Variants in ORC4 observed in about 807,000 individuals in gnomAD.
The protein encoded by ORC4 is origin recognition complex subunit 4.
In ORC4, 55 loss-of-function variants were observed where a neutral mutation model predicts 63.9. The ratio of observed to expected loss-of-function variants is 0.86; its 90% CI spans 0.69 to 1.08. The LOEUF (loss-of-function observed/expected upper bound fraction) is 1.08, where lower values mean the gene tolerates loss of function less well. ORC4 is among the 50% of genes least tolerant of loss of function. The pLI is 0.00. For missense variants in ORC4, 511 were observed against 504.4 expected, an observed-to-expected ratio of 1.01 and a Z score of -0.13; for synonymous variants, 150 against 168.5, an observed-to-expected ratio of 0.89 and a Z score of 0.85.
intron 1 of ORC4, among the ~76,000 whole-genome samples, chr2:147,980,815 G>C (rs1401450863): frequency 6.6e-6 from 1 of 152,064 alleles, no homozygotes; most frequent in East Asian, 1.9e-4. Flanking sequence ...GGAGGTTCTT[G>C]AAAAAATTAG....
Position 147,938,214 on chromosome 2 carries a change from C to G in ORC4, c.1055-1G>C. 6.2e-7 allele frequency: 1 copy of G among 1,612,220 alleles called. No homozygotes were observed. The highest frequency in any genetic ancestry group is 8.5e-7 in the Non-Finnish European group (1 of 1,178,598). On this transcript the variant is annotated splice_acceptor_variant, in intron 12 of 13. Transcript: ENST00000392857. LOFTEE classifies it high-confidence loss of function. Reference sequence around the variant, plus strand: ...TTCCTTTGAACAAACTTCTGAAACTCTGAGTAGAAAGCAATGACAACATTA... The same window carrying G: ...TTCCTTTGAACAAACTTCTGAAACTGTGAGTAGAAAGCAATGACAACATTA...
chr2:148,017,649 G>A (rs971359390), intron 1 of ORC4, among the ~76,000 whole-genome samples: 2 of 152,192 alleles, frequency 1.3e-5, no homozygotes, highest in Non-Finnish European at 2.9e-5. Context: ...TCCAGCCTGG[G>A]CAACAGAGCG....
rs1687690754 is a variant in ORC4, at chr2:147,930,937, T to G, written c.*4573A>C. On this transcript the variant is annotated 3_prime_UTR_variant, in exon 14 of 14. Coordinates refer to ENST00000392857, the MANE Select transcript of ORC4 (RefSeq NM_181741.4). ...TAGTTACATAGGTATACATGTGCCA[T>G]GCTGGTGCGCTGCACCCACTAACTC... 1.3e-5 allele frequency: 2 copies of G among 151,254 alleles called. No individual in the cohort carries two copies. Among genetic ancestry groups the G allele is most frequent in the South Asian group, 4.2e-4 (2 of 4,746 alleles). The allele number at this position is 151,254 out of a possible 1,614,324, so 9.4% of individuals were successfully genotyped here.
At chr2:147,975,354 A>G (rs571962281) in intron 2 of ORC4, among the ~76,000 whole-genome samples, 1 of 152,260 alleles carries the variant, frequency 6.6e-6, no homozygotes, top group East Asian at 1.9e-4. Flanking sequence ...GGCATCTACA[A>G]AAAAATCCTA....
chr2:148,014,943 G>A (rs1473478561), intron 1 of ORC4, among the ~76,000 whole-genome samples: 1 of 152,016 alleles, frequency 6.6e-6, no homozygotes, highest in Non-Finnish European at 1.5e-5. Flanking sequence ...GCCAATAAAA[G>A]CAAGATTGTA....
chr2:147,972,632 G>A, intron 4 of ORC4, 107 bp downstream of exon 4: 2 of 551,336 alleles, frequency 3.6e-6, no homozygotes, highest in Non-Finnish European at 6.1e-6. Context: ...ATAATGAAAA[G>A]TATTTTCAGT....
rs903148417 is a variant in ORC4, at chr2:147,934,327, A to G, written c.*1183T>C. 1 of 152,192 alleles carries G rather than the reference A, an allele frequency of 6.6e-6. No homozygotes were observed. Among genetic ancestry groups the G allele is most frequent in the African/African-American group, 2.4e-5 (1 of 41,462 alleles). 9.4% of individuals were successfully genotyped at this position (152,192 alleles called of 1,614,324 possible). ...AGTCACTAAGTGCTCATTAAATTTC[A>G]TTTTAAATATATGCCTCTGTTAATT... is the stretch of plus-strand genomic sequence containing the variant. On this transcript the variant is annotated 3_prime_UTR_variant, in exon 14 of 14. Coordinates refer to ENST00000392857, the MANE Select transcript of ORC4 (RefSeq NM_181741.4).
chr2:148,009,484 A>C (rs1692822848), intron 1 of ORC4, among the ~76,000 whole-genome samples: 1 of 152,156 alleles, frequency 6.6e-6, no homozygotes, highest in Non-Finnish European at 1.5e-5. Context: ...AAAGAAAAAA[A>C]GGTTATCATA....
At chr2:147,974,399 C>G (rs371556794) in intron 2 of ORC4, among the ~76,000 whole-genome samples, 1 of 151,916 alleles carries the variant, frequency 6.6e-6, no homozygotes, top group South Asian at 2.1e-4. Context: ...TTTGGGAGGT[C>G]GAGATGGGCA....
At chr2:147,985,963 C>T (rs1415291554) in intron 1 of ORC4, among the ~76,000 whole-genome samples, 2 of 152,098 alleles carry the variant, frequency 1.3e-5, no homozygotes, top group Admixed American at 6.5e-5. Context: ...AAAATCATCA[C>T]TGGGCTTTTC....
In ORC4 at chr2:147,930,726, A is replaced by G. The variant is rs1687672718; in HGVS notation, c.*4784T>C. 6.6e-6 allele frequency: 1 copy of G among 152,496 alleles called. No individual in the cohort carries two copies. Among genetic ancestry groups the G allele is most frequent in the South Asian group, 2.1e-4 (1 of 4,832 alleles). 9.4% of individuals were successfully genotyped at this position (152,496 alleles called of 1,614,324 possible). A position where few individuals can be genotyped will look rare whatever the true frequency, so the allele number is the denominator to read the frequency against. ...TTAACAGAAAGCTTAAAATCCCCAT[A>G]AAACCCCACCTTGGATAAGTGATTG... On this transcript the variant is annotated 3_prime_UTR_variant, in exon 14 of 14. Coordinates refer to ENST00000392857, the MANE Select transcript of ORC4 (RefSeq NM_181741.4).
rs1361697430 is a variant in ORC4 at position 147,998,487 on chromosome 2, A to AGAGT, written c.-18+22142_-18+22145dup. Among the ~76,000 whole-genome samples the AGAGT allele has an allele frequency of 7.9e-5, 12 of 152,186 alleles. 1 individual carries two copies. Among genetic ancestry groups the AGAGT allele is most frequent in the Admixed American group, 7.9e-4 (12 of 15,270 alleles). ...GCGAATGGCTTAGTTCCTTCCCACA[A>AGAGT]GAGTGGGTTGTTATAAGGCCACTAT... On this transcript the variant is annotated intron_variant, in intron 1 of 13. Transcript: ENST00000392857.
At chr2:147,983,678 G>C (rs187969795) in intron 1 of ORC4, among the ~76,000 whole-genome samples, 1 of 152,334 alleles carries the variant, frequency 6.6e-6, no homozygotes, top group African/African-American at 2.4e-5. Flanking sequence ...CATAGAAAAA[G>C]CCATGAAAGC....
chr2:147,976,112 C>T (rs922024519), intron 1 of ORC4, 137 bp from the exon 2 acceptor site: 25 of 637,638 alleles, frequency 3.9e-5, no homozygotes, highest in African/African-American at 5.5e-5. Context: ...TCAAAATCTT[C>T]GATGGCTTCA....
In ORC4 at chr2:147,932,564, C is replaced by T. The variant is rs1018305130; in HGVS notation, c.*2946G>A. ...TTGTAACTTACAGTGAGGCTTACAC[C>T]TTGACAACTGCAAGAATGAGGATAG... On this transcript the variant is annotated 3_prime_UTR_variant, in exon 14 of 14. Transcript: ENST00000392857. The T allele has an allele frequency of 1.3e-5, 2 of 152,118 alleles. No individual in the cohort carries two copies. Among genetic ancestry groups the T allele is most frequent in the Admixed American group, 1.3e-4 (2 of 15,242 alleles). 9.4% of individuals were successfully genotyped at this position (152,118 alleles called of 1,614,324 possible).
rs1687824689 is a variant in ORC4 at position 147,932,475 on chromosome 2, A to T, written c.*3035T>A. The stretch of plus-strand genomic sequence containing the variant: ...AACTACTTAAGTTCATATGGAACCA[A>T]AAAAGAGCCCACATCGCCAAGGCAA... On this transcript the variant is annotated 3_prime_UTR_variant, in exon 14 of 14. Coordinates refer to ENST00000392857, the MANE Select transcript of ORC4 (RefSeq NM_181741.4). 2 of 152,198 alleles carry T rather than the reference A, an allele frequency of 1.3e-5. No individual in the cohort carries two copies. The highest frequency in any genetic ancestry group is 4.8e-5 in the African/African-American group (2 of 41,440). 9.4% of individuals were successfully genotyped at this position (152,198 alleles called of 1,614,324 possible).
intron 4 of ORC4, among the ~76,000 whole-genome samples, chr2:147,962,026 C>T (rs577246017): frequency 2.0e-5 from 3 of 152,068 alleles, no homozygotes; most frequent in East Asian, 1.9e-4. Flanking sequence ...ATTTGACTGG[C>T]GTGTTGAAGG....
At chr2:147,977,237 TAA>T (rs954432529) in intron 1 of ORC4, among the ~76,000 whole-genome samples, 12 of 152,138 alleles carry the variant, frequency 7.9e-5, no homozygotes, top group African/African-American at 1.9e-4. Flanking sequence ...ACCACTTTTT[TAA>T]AAAAGTGTAT....
chr2:148,003,695 C>T lies in ORC4; in HGVS notation c.-18+16938G>A, dbSNP rs182274643. On this transcript the variant is annotated intron_variant, in intron 1 of 13. Transcript: ENST00000392857. ...AACAGGAAGCATTCCCTTTGAAAAC[C>T]GGCACAAGAAAAGGATGCCCTCTCT... 3.9e-3 allele frequency among the ~76,000 whole-genome samples: 589 copies of T among 152,140 alleles called. 1 individual carries two copies. Among genetic ancestry groups the T allele is most frequent in the Non-Finnish European group, 4.0e-3 (270 of 67,982 alleles).
Sources: gnomAD v4.1 joint callset for allele counts (sites outside exome capture counted in the v4.1 genomes callset) on GRCh38, gnomAD v4.1.1 for gene constraint, MANE v1.5 for transcripts, NCBI Gene and HGNC (gene_info 2026-07-23, HGNC 2026-07-21) for gene names.